ARHGAP8: variants seen among roughly 807,000 people sequenced by gnomAD.
ARHGAP8 encodes the protein rho GTPase-activating protein 8.
A neutral mutation model predicts 46.1 loss-of-function variants in ARHGAP8; 62 were observed. The ratio of observed to expected loss-of-function variants is 1.34; its 90% CI spans 1.10 to 1.66. ARHGAP8 has a LOEUF of 1.66. Among genes scored for constraint, ARHGAP8 ranks in the 40% most tolerant of loss-of-function variants. ARHGAP8 has a pLI of 0.00. For missense variants in ARHGAP8, 923 were observed against 568.4 expected (o/e 1.62, Z -6.34); for synonymous variants, 375 against 243.1 (o/e 1.54, Z -5.05).
At chr22:44,861,278 C>A (rs2070469099) in intron 11 of ARHGAP8, among the ~76,000 whole-genome samples, 2 of 152,176 alleles carry the variant, frequency 1.3e-5, no homozygotes, top group South Asian at 2.1e-4. Context: ...CAGCCTACTT[C>A]TTTTTCATTA....
intron 10 of ARHGAP8, among the ~76,000 whole-genome samples, chr22:44,859,056 G>A (rs1225135715): frequency 4.0e-5 from 6 of 151,316 alleles, no homozygotes; most frequent in South Asian, 2.1e-4. Flanking sequence ...TCTAAGCCAT[G>A]GGCCGTAGTT....
chr22:44,822,619 G>T (rs545843222), intron 6 of ARHGAP8, 150 bp downstream of exon 6: 7 of 638,386 alleles, frequency 1.1e-5, no homozygotes, highest in Non-Finnish European at 1.7e-5. Context: ...ACAAAGATCC[G>T]CAGCAAAAGG....
chr22:44,845,670 G>A (rs901506412), intron 8 of ARHGAP8, among the ~76,000 whole-genome samples: 10 of 152,144 alleles, frequency 6.6e-5, no homozygotes, highest in South Asian at 2.1e-4. Flanking sequence ...AAAGCACTTC[G>A]GGCAGTGCTG....
rs181051732 is a variant in ARHGAP8, at chr22:44,810,683, G to A, written c.299+2245G>A. Among the ~76,000 whole-genome samples the A allele has an allele frequency of 2.3e-3, 353 of 152,318 alleles. 3 individuals are homozygous for A. Among genetic ancestry groups the A allele is most frequent in the African/African-American group, 8.1e-3 (337 of 41,570 alleles). On this transcript the variant is annotated intron_variant, in intron 4 of 11. Transcript: ENST00000356099. The stretch of plus-strand genomic sequence containing the variant: ...CTGCCTGTGGAGTGGTGGGCAGGGT[G>A]TTGTGAAGTGGCAATCACTGGATTT...
intron 7 of ARHGAP8, among the ~76,000 whole-genome samples, chr22:44,842,257 T>TGAGGC (rs1406817986): frequency 6.6e-6 from 1 of 152,144 alleles, no homozygotes; most frequent in Non-Finnish European, 1.5e-5. Flanking sequence ...CTCGGGAGGC[T>TGAGGC]GAGGCAGGAG....
At chr22:44,805,679 A>G (rs956184415) in intron 3 of ARHGAP8, among the ~76,000 whole-genome samples, 1 of 152,180 alleles carries the variant, frequency 6.6e-6, no homozygotes, top group Non-Finnish European at 1.5e-5. Flanking sequence ...GCCCAGAGGA[A>G]AAGGCATCTT....
intron 7 of ARHGAP8, among the ~76,000 whole-genome samples, chr22:44,826,623 G>A (rs1930541661): frequency 6.6e-6 from 1 of 152,130 alleles, no homozygotes; most frequent in East Asian, 1.9e-4. Flanking sequence ...GACAGGGTTT[G>A]GCCATGTTGC....
Position 44,807,696 on chromosome 22 carries a change from C to G in ARHGAP8, c.168-611C>G, listed in dbSNP as rs779670919. Among the ~76,000 whole-genome samples, 33 of 152,300 alleles carry G rather than the reference C, an allele frequency of 2.2e-4. 1 individual carries two copies. The highest frequency in any genetic ancestry group is 3.4e-3 in the Middle Eastern group (1 of 294). The stretch of plus-strand genomic sequence containing the variant: ...ACCAGAAATGTATTCTCTCACAGTT[C>G]TGGATGCCAGAAGTTCAAAATTGAG... On this transcript the variant is annotated intron_variant, in intron 3 of 11. Transcript: ENST00000356099.
At chr22:44,761,369 T>C (rs2146991399) in intron 1 of ARHGAP8, among the ~76,000 whole-genome samples, 1 of 152,332 alleles carries the variant, frequency 6.6e-6, no homozygotes, top group African/African-American at 2.4e-5. Context: ...AAATAAATGG[T>C]TGTGTGTACT....
chr22:44,809,469 A>G (rs1191852891), intron 4 of ARHGAP8: 2 of 341,722 alleles, frequency 5.9e-6, no homozygotes, highest in African/African-American at 4.3e-5. Context: ...AGCCCTTTAC[A>G]GTCTGCAAGG....
chr22:44,786,145 G>A (rs1200445717), intron 1 of ARHGAP8: 7 of 482,388 alleles, frequency 1.5e-5, no homozygotes, highest in Non-Finnish European at 2.6e-5. Flanking sequence ...GTCGCATAGT[G>A]GGTGCTCGGC....
At chr22:44,839,108 C>T (rs1303849787) in intron 7 of ARHGAP8, among the ~76,000 whole-genome samples, 2 of 152,162 alleles carry the variant, frequency 1.3e-5, no homozygotes, top group Non-Finnish European at 2.9e-5. Context: ...AACTTTGGCA[C>T]ATCCTGGGAG....
intron 5 of ARHGAP8, among the ~76,000 whole-genome samples, chr22:44,819,436 C>G (rs904883169): frequency 9.9e-5 from 15 of 152,200 alleles, no homozygotes; most frequent in African/African-American, 3.6e-4. Context: ...CTTTGGGAGG[C>G]CAATGTGGGC....
intron 7 of ARHGAP8, among the ~76,000 whole-genome samples, chr22:44,841,012 T>C (rs563206557): frequency 4.2e-4 from 64 of 152,242 alleles, no homozygotes; most frequent in African/African-American, 1.3e-3. Flanking sequence ...AAAACTTGGC[T>C]CTGCAGGCCT....
At chr22:44,860,216 A>C (rs963500546) in intron 11 of ARHGAP8, among the ~76,000 whole-genome samples, 1 of 150,690 alleles carries the variant, frequency 6.6e-6, no homozygotes, top group African/African-American at 2.4e-5. Flanking sequence ...ATTCCTGGGG[A>C]AGGGATACAC....
chr22:44,837,235 A>G (rs575634385), intron 7 of ARHGAP8, among the ~76,000 whole-genome samples: 4 of 152,266 alleles, frequency 2.6e-5, no homozygotes, highest in African/African-American at 9.6e-5. Context: ...CATTCCTCGC[A>G]TGCAAAACCA....
At chr22:44,779,999 C>T (rs1926727375) in intron 1 of ARHGAP8, among the ~76,000 whole-genome samples, 1 of 152,202 alleles carries the variant, frequency 6.6e-6, no homozygotes, top group Non-Finnish European at 1.5e-5. Flanking sequence ...GAGGGACCCC[C>T]AGGCTGGGAC....
rs183661007 is a variant in ARHGAP8, at chr22:44,862,261, G to C, written c.982-14G>C. Reference sequence around the variant, plus strand: ...GGTGTTCACTCCCCTTTACTTGTGTGTGGTTTCCTCCAGGTGTCCCGGGAG... The same window carrying C: ...GGTGTTCACTCCCCTTTACTTGTGTCTGGTTTCCTCCAGGTGTCCCGGGAG... On this transcript the variant is annotated splice_polypyrimidine_tract_variant and intron_variant, in intron 11 of 11. Transcript: ENST00000356099. 1 of 1,577,292 alleles carries C rather than the reference G, an allele frequency of 6.3e-7. No homozygotes were observed. The highest frequency in any genetic ancestry group is 8.6e-7 in the Non-Finnish European group (1 of 1,157,170).
chr22:44,848,138 C>G, intron 9 of ARHGAP8, 88 bp downstream of exon 9: 1 of 1,533,392 alleles, frequency 6.5e-7, no homozygotes, highest in Non-Finnish European at 8.8e-7. Context: ...AGGGAAGCAC[C>G]GCCCCCGCAA....
Sources: gnomAD v4.1 joint callset for allele counts (sites outside exome capture counted in the v4.1 genomes callset) on GRCh38, gnomAD v4.1.1 for gene constraint, MANE v1.5 for transcripts, NCBI Gene and HGNC (gene_info 2026-07-23, HGNC 2026-07-21) for gene names.